Variants in DYM observed in about 807,000 individuals in gnomAD.
DYM encodes the protein dyggve-Melchior-Clausen syndrome protein.
In DYM, 78 loss-of-function variants were observed where a neutral mutation model predicts 93.1. That is an observed-to-expected ratio of 0.84 (90% CI 0.70 to 1.01). The LOEUF (loss-of-function observed/expected upper bound fraction) is 1.01. Among genes scored for constraint, DYM ranks in the 50% least tolerant of loss-of-function variants. DYM has a pLI of 0.00. For missense variants in DYM, 789 were observed against 845.0 expected (o/e 0.93, Z 0.82); for synonymous variants, 321 against 319.7 (o/e 1.00, Z -0.04).
At chr18:49,452,557 G>C (rs939129246) in intron 1 of DYM, among the ~76,000 whole-genome samples, 1 of 152,136 alleles carries the variant, frequency 6.6e-6, no homozygotes, top group South Asian at 2.1e-4. Context: ...GTGCTGATTG[G>C]TGCATTTACA....
At chr18:49,388,913 C>CAA (rs59658815) in intron 3 of DYM, among the ~76,000 whole-genome samples, 3 of 129,044 alleles carry the variant, frequency 2.3e-5, no homozygotes, top group Non-Finnish European at 3.3e-5. Flanking sequence ...CATTTTCAGA[C>CAA]AAAAAAAAAA....
chr18:49,336,998 A>T (rs560976811), intron 6 of DYM, among the ~76,000 whole-genome samples: 2 of 152,260 alleles, frequency 1.3e-5, no homozygotes, highest in South Asian at 2.1e-4. Context: ...TATATTCTCA[A>T]CTCTAGTATA....
intron 10 of DYM, among the ~76,000 whole-genome samples, chr18:49,274,474 C>A (rs1342602665): frequency 6.6e-6 from 1 of 152,104 alleles, no homozygotes; most frequent in Non-Finnish European, 1.5e-5. Context: ...AGTTTTCCTG[C>A]AGACATATAC....
intron 2 of DYM, among the ~76,000 whole-genome samples, chr18:49,423,566 G>C (rs563622973): frequency 7.0e-4 from 107 of 152,264 alleles, no homozygotes; most frequent in African/African-American, 2.5e-3. Context: ...GAAGGAGATA[G>C]AGACACAAAA....
chr18:49,415,415 T>C (rs984157316), intron 2 of DYM, among the ~76,000 whole-genome samples: 28 of 150,520 alleles, frequency 1.9e-4, no homozygotes, highest in African/African-American at 6.6e-4. Flanking sequence ...CTCTTGGTTG[T>C]TATTATTTTT....
chr18:49,116,519 T>C lies in DYM; in HGVS notation c.1911+2225A>G, dbSNP rs908072243. The C allele has an allele frequency of 3.9e-5, 6 of 152,310 alleles. No individual in the cohort carries two copies. In the East Asian group the frequency reaches 1.2e-3, roughly 29 times the overall value. 9.4% of individuals were successfully genotyped at this position (152,310 alleles called of 1,614,324 possible). A position where few individuals can be genotyped will look rare whatever the true frequency, so the allele number is the denominator to read the frequency against. On this transcript the variant is annotated intron_variant, in intron 16 of 17. Transcript: ENST00000675505. ...CAGCTAGCCTATAAAGTTGCCTTCATACAGAGAACGATTTCTACTGAATGT... is the reference window on the plus strand; with the variant it reads ...CAGCTAGCCTATAAAGTTGCCTTCACACAGAGAACGATTTCTACTGAATGT...
At chr18:49,312,464 A>C (rs2061657517) in intron 8 of DYM, among the ~76,000 whole-genome samples, 1 of 152,086 alleles carries the variant, frequency 6.6e-6, no homozygotes, top group South Asian at 2.1e-4. Context: ...CTCACAAACC[A>C]ATCAGCACAC....
intron 16 of DYM, among the ~76,000 whole-genome samples, chr18:49,104,152 G>A (rs968741224): frequency 1.6e-4 from 25 of 151,970 alleles, no homozygotes; most frequent in Non-Finnish European, 3.1e-4. Context: ...GGATTCCTAG[G>A]TATTTTATTC....
intron 2 of DYM, among the ~76,000 whole-genome samples, chr18:49,398,532 T>C (rs1422410427): frequency 1.3e-5 from 2 of 152,082 alleles, no homozygotes; most frequent in Non-Finnish European, 1.5e-5. Context: ...ACCGACAGAG[T>C]GGCAGAGAAA....
At chr18:49,323,359 T>C (rs2146635280) in intron 8 of DYM, among the ~76,000 whole-genome samples, 1 of 152,312 alleles carries the variant, frequency 6.6e-6, no homozygotes, top group South Asian at 2.1e-4. Context: ...ATCAGTAGCC[T>C]TCCAAATTGA....
chr18:49,394,990 A>C (rs768071694), intron 2 of DYM, among the ~76,000 whole-genome samples: 1 of 152,132 alleles, frequency 6.6e-6, no homozygotes, highest in Non-Finnish European at 1.5e-5. Context: ...TACAAAAATC[A>C]ACTTAAAATA....
At chr18:49,338,184 G>T (rs1041483802) in intron 6 of DYM, among the ~76,000 whole-genome samples, 1 of 152,092 alleles carries the variant, frequency 6.6e-6, no homozygotes, top group Admixed American at 6.5e-5. Context: ...ACAATAGTAG[G>T]TTATCAAAAA....
chr18:49,052,886 G>T (rs1466645211), intron 17 of DYM, among the ~76,000 whole-genome samples: 1 of 152,178 alleles, frequency 6.6e-6, no homozygotes, highest in Admixed American at 6.5e-5. Flanking sequence ...GCTAGAACTG[G>T]CTGGCACAGG....
chr18:49,183,374 C>G (rs1411323546), intron 14 of DYM, among the ~76,000 whole-genome samples: 2 of 152,084 alleles, frequency 1.3e-5, no homozygotes, highest in Non-Finnish European at 2.9e-5. Context: ...CAAGGCAGTC[C>G]TGCACTTCTA....
At chr18:49,400,850 CTG>C (rs2070731255) in intron 2 of DYM, among the ~76,000 whole-genome samples, 1 of 152,196 alleles carries the variant, frequency 6.6e-6, no homozygotes, top group East Asian at 1.9e-4. Flanking sequence ...TGGTTGGTAA[CTG>C]TTGCTGCCTG....
chr18:49,233,045 C>T (rs1046280667), intron 13 of DYM, among the ~76,000 whole-genome samples: 1 of 152,060 alleles, frequency 6.6e-6, no homozygotes, highest in African/African-American at 2.4e-5. Flanking sequence ...GGGTGTCTAG[C>T]AGAGATTTAA....
intron 6 of DYM, among the ~76,000 whole-genome samples, chr18:49,354,635 T>C (rs147932863): frequency 1.4e-4 from 21 of 152,110 alleles, no homozygotes; most frequent in Admixed American, 2.6e-4. Flanking sequence ...CTAACAGATA[T>C]ATCATCAAAA....
At chr18:49,147,279 G>C (rs1382463422) in intron 15 of DYM, among the ~76,000 whole-genome samples, 4 of 151,826 alleles carry the variant, frequency 2.6e-5, no homozygotes, top group African/African-American at 9.7e-5. Context: ...TCAGGACATA[G>C]GCATGGGCAA....
At chr18:49,250,892 G>T (rs140302331) in intron 13 of DYM, among the ~76,000 whole-genome samples, 6 of 152,334 alleles carry the variant, frequency 3.9e-5, no homozygotes, top group Non-Finnish European at 7.4e-5. Flanking sequence ...AAGACGAAGG[G>T]CAAAGGGCAG....
Sources: gnomAD v4.1 joint callset for allele counts (sites outside exome capture counted in the v4.1 genomes callset) on GRCh38, gnomAD v4.1.1 for gene constraint, MANE v1.5 for transcripts, NCBI Gene and HGNC (gene_info 2026-07-23, HGNC 2026-07-21) for gene names.